The following ANKRD11 variants were observed in gnomAD, a reference collection of about 807,000 sequenced individuals.
ANKRD11 encodes ankyrin repeat domain-containing protein 11.
Under a neutral mutation model 195.7 loss-of-function variants are expected in ANKRD11, and 17 were observed. The ratio of observed to expected loss-of-function variants is 0.09; its 90% CI spans 0.06 to 0.13. The LOEUF is 0.13. ANKRD11 is among the 10% of genes least tolerant of loss of function. The pLI is 1.00. For missense variants in ANKRD11, 3,735 were observed against 3,566.1 expected, an observed-to-expected ratio of 1.05 and a Z score of -1.21; for synonymous variants, 1,953 against 1,528.1, an observed-to-expected ratio of 1.28 and a Z score of -6.49.
intron 2 of ANKRD11, among the ~76,000 whole-genome samples, chr16:89,376,442 G>C (rs1223199226): frequency 6.6e-6 from 1 of 152,160 alleles, no homozygotes; most frequent in Non-Finnish European, 1.5e-5. Context: ...ACAGGGTTTT[G>C]TTTTTGTTTT....
intron 3 of ANKRD11, among the ~76,000 whole-genome samples, chr16:89,314,194 C>T (rs1387536936): frequency 6.6e-6 from 1 of 152,058 alleles, no homozygotes; most frequent in Non-Finnish European, 1.5e-5. Context: ...GCAGAAGTTG[C>T]AGTGAGCTGA....
intron 2 of ANKRD11, among the ~76,000 whole-genome samples, chr16:89,385,288 C>A (rs2040859143): frequency 6.6e-6 from 1 of 151,892 alleles, no homozygotes; most frequent in Non-Finnish European, 1.5e-5. Context: ...GCCACCATGC[C>A]CAACTAATTT....
intron 1 of ANKRD11, among the ~76,000 whole-genome samples, chr16:89,453,147 T>C (rs567249281): frequency 8.5e-4 from 130 of 152,318 alleles, no homozygotes; most frequent in Non-Finnish European, 1.5e-3. Context: ...CATAATAGTA[T>C]TTAACAAGAT....
At position 89,292,343 on chromosome 16, in the gene ANKRD11, G is replaced by A. The variant is rs188538396; in HGVS notation, c.227-1160C>T. Among the ~76,000 whole-genome samples the A allele has an allele frequency of 1.3e-4, 20 of 152,258 alleles. No individual in the cohort carries two copies. In the East Asian group the frequency reaches 2.9e-3, roughly 22 times the overall value. On this transcript the variant is annotated intron_variant, in intron 4 of 12. Transcript: ENST00000301030. ...GACTAACTGGATCCCACACCTGCCC[G>A]GTCACTGGAACACAGAACGGTCTTA... is the stretch of plus-strand genomic sequence containing the variant.
chr16:89,329,975 C>T (rs1281976714), intron 2 of ANKRD11, among the ~76,000 whole-genome samples: 2 of 147,012 alleles, frequency 1.4e-5, no homozygotes, highest in African/African-American at 5.3e-5. Flanking sequence ...GGGCGACAGA[C>T]AAGAGTGAGA....
intron 2 of ANKRD11, among the ~76,000 whole-genome samples, chr16:89,330,015 T>TAAAAA (rs897997543): frequency 2.0e-5 from 3 of 151,472 alleles, no homozygotes; most frequent in Non-Finnish European, 2.9e-5. Context: ...TAAAATAAAA[T>TAAAAA]AAAATAAAAT....
chr16:89,415,261 CTTTT>C (rs34004237), intron 2 of ANKRD11, among the ~76,000 whole-genome samples: 57 of 84,536 alleles, frequency 6.7e-4, no homozygotes, highest in African/African-American at 2.7e-3. Flanking sequence ...GCCAGCTATT[CTTTT>C]TTTTTTTTTT....
chr16:89,310,032 G>A (rs1800732016), intron 3 of ANKRD11, among the ~76,000 whole-genome samples: 1 of 152,240 alleles, frequency 6.6e-6, no homozygotes, highest in Admixed American at 6.5e-5. Context: ...ACAGAGGAAA[G>A]AGAAAGTTGT....
chr16:89,274,703 G>A (rs1385467119), intron 11 of ANKRD11, 111 bp downstream of exon 11: 5 of 1,505,776 alleles, frequency 3.3e-6, no homozygotes, highest in Non-Finnish European at 3.6e-6. Flanking sequence ...CCTGCAAGGT[G>A]CTGAGCACCC....
intron 2 of ANKRD11, among the ~76,000 whole-genome samples, chr16:89,369,783 A>G (rs1212160269): frequency 6.6e-6 from 1 of 152,224 alleles, no homozygotes; most frequent in East Asian, 1.9e-4. Context: ...GGTTTCATCA[A>G]TGCCGATATA....
chr16:89,411,168 AC>A (rs1012864169), intron 2 of ANKRD11, among the ~76,000 whole-genome samples: 1 of 152,216 alleles, frequency 6.6e-6, no homozygotes, highest in African/African-American at 2.4e-5. Flanking sequence ...GGCTGTCCAC[AC>A]CCAGGGCCAC....
intron 1 of ANKRD11, among the ~76,000 whole-genome samples, chr16:89,481,486 G>A (rs967199200): frequency 6.6e-6 from 1 of 152,156 alleles, no homozygotes; most frequent in African/African-American, 2.4e-5. Flanking sequence ...GAGCCCAGAA[G>A]CTCAAGGATG....
chr16:89,466,785 C>T (rs1032972131), intron 1 of ANKRD11, among the ~76,000 whole-genome samples: 2 of 152,204 alleles, frequency 1.3e-5, no homozygotes, highest in African/African-American at 4.8e-5. Context: ...TAGCAGCAAA[C>T]AAAAGATGCA....
Position 89,282,620 on chromosome 16 carries a change from A to C in ANKRD11, c.3922T>G (p.Phe1308Val). ...DKISEVSSDS[F>V]TDRGQEPGLT... ...CCCGGCTCCTGCCCTCGGTCCGTGAAGCTGTCAGAGGAGACCTCGCTGATT... is the reference window on the plus strand; with the variant it reads ...CCCGGCTCCTGCCCTCGGTCCGTGACGCTGTCAGAGGAGACCTCGCTGATT... The change falls in exon 9 of 13, where the codon TTC (phenylalanine) becomes GTC (valine). Residue 1308 changes from phenylalanine to valine, a missense_variant. Physicochemically the swap from Phe to Val is conservative, Grantham distance 50 (BLOSUM62 -1). Coordinates refer to ENST00000301030, the MANE Select transcript of ANKRD11 (RefSeq NM_013275.6). 1 of 1,613,942 alleles carries C rather than the reference A, an allele frequency of 6.2e-7. No homozygotes were observed. Among genetic ancestry groups the C allele is most frequent in the Non-Finnish European group, 8.5e-7 (1 of 1,179,948 alleles).
chr16:89,274,605 C>A, intron 11 of ANKRD11: 1 of 702,372 alleles, frequency 1.4e-6, no homozygotes, highest in Non-Finnish European at 2.4e-6. Context: ...CTTGCCCGTG[C>A]GGGGAGCTGT....
intron 1 of ANKRD11, among the ~76,000 whole-genome samples, chr16:89,446,384 G>A (rs754510184): frequency 6.6e-6 from 1 of 152,082 alleles, no homozygotes; most frequent in African/African-American, 2.4e-5. Context: ...CAGGCAGATC[G>A]CTTGAGCCCT....
At chr16:89,286,245 T>C in intron 7 of ANKRD11, 59 bp from the exon 8 acceptor site, 1 of 1,600,110 alleles carries the variant, frequency 6.2e-7, no homozygotes, top group Non-Finnish European at 8.5e-7. Flanking sequence ...CCTCTACCGT[T>C]CCGCATAACA....
chr16:89,381,773 T>C lies in ANKRD11; in HGVS notation c.-60+36511A>G, dbSNP rs541119068. Among the ~76,000 whole-genome samples the C allele has an allele frequency of 1.8e-4, 27 of 152,268 alleles. No homozygotes were observed. In the South Asian group the frequency reaches 4.8e-3, roughly 27 times the overall value. On this transcript the variant is annotated intron_variant, in intron 2 of 12. Transcript: ENST00000301030. ...CCCCTCCTTACCGAATTTATACACT[T>C]TGTGAACAAGTGTTCCCCGAGCACA... is the stretch of plus-strand genomic sequence containing the variant.
intron 1 of ANKRD11, among the ~76,000 whole-genome samples, chr16:89,453,504 G>T (rs1336087283): frequency 3.3e-5 from 5 of 152,146 alleles, no homozygotes; most frequent in Non-Finnish European, 1.5e-5. Context: ...CGTTTCACAG[G>T]AACACGTCCT....
Sources: allele counts gnomAD v4.1 joint callset (sites outside exome capture counted in the v4.1 genomes callset), GRCh38; gene constraint gnomAD v4.1.1; transcripts MANE v1.5; gene names NCBI Gene and HGNC (gene_info 2026-07-23, HGNC 2026-07-21).